Variants in ASTN1 observed in about 807,000 individuals in gnomAD.
The protein encoded by ASTN1 is astrotactin 1.
A neutral mutation model predicts 140.7 loss-of-function variants in ASTN1; 41 were observed. The observed-to-expected ratio is 0.29, with a 90% CI of 0.23 to 0.38. ASTN1 has a LOEUF of 0.38. Among genes scored for constraint, ASTN1 ranks in the 10% least tolerant of loss-of-function variants. ASTN1 has a pLI of 1.00. For synonymous variants in ASTN1, 640 were observed against 652.2 expected, an observed-to-expected ratio of 0.98 and a Z score of 0.29; for missense variants, 1,479 against 1,678.8, an observed-to-expected ratio of 0.88 and a Z score of 2.08.
intron 1 of ASTN1, among the ~76,000 whole-genome samples, chr1:177,155,464 T>C (rs1333876572): frequency 6.6e-6 from 1 of 151,750 alleles, no homozygotes; most frequent in Non-Finnish European, 1.5e-5. Flanking sequence ...CTGGAAGGGG[T>C]TGGGGGGAAA....
In ASTN1 at chr1:176,985,853, C is replaced by CT. The variant is rs1358854662; in HGVS notation, c.1524-20617_1524-20616insA. ...CTCTCTCTCTCTCTCTCTACACACA[C>CT]ACACACACACACACACACACACACA... On this transcript the variant is annotated intron_variant, in intron 8 of 22. Transcript: ENST00000361833. Among the ~76,000 whole-genome samples the CT allele has an allele frequency of 2.5e-3, 347 of 140,876 alleles. 1 individual carries two copies. The highest frequency in any genetic ancestry group is 7.9e-3 in the African/African-American group (293 of 37,186). The allele number at this position is 140,876 out of a possible 152,430, so 92.4% of individuals were successfully genotyped here.
intron 1 of ASTN1, among the ~76,000 whole-genome samples, chr1:177,095,702 T>C (rs1335400125): frequency 1.3e-5 from 2 of 152,006 alleles, no homozygotes; most frequent in Non-Finnish European, 2.9e-5. Flanking sequence ...CAGGCAGAGG[T>C]CCACTGTGGT....
chr1:177,141,455 T>C (rs113128057), intron 1 of ASTN1, among the ~76,000 whole-genome samples: 29 of 142,436 alleles, frequency 2.0e-4, no homozygotes, highest in Middle Eastern at 7.1e-3. Context: ...ACAGATCTGA[T>C]TGATGAATAT....
At chr1:176,982,092 A>G (rs1673645719) in intron 8 of ASTN1, among the ~76,000 whole-genome samples, 2 of 152,196 alleles carry the variant, frequency 1.3e-5, no homozygotes, top group South Asian at 4.1e-4. Context: ...TTACAACTAA[A>G]TGTGCCCAAA....
chr1:176,898,318 C>T (rs372980651), intron 16 of ASTN1, among the ~76,000 whole-genome samples: 1 of 152,206 alleles, frequency 6.6e-6, no homozygotes, highest in Non-Finnish European at 1.5e-5. Context: ...GACCCACTGC[C>T]TTCTGGTCCC....
At chr1:176,994,025 G>GTGTGTGTGTGTGTGTA (rs140169696) in intron 8 of ASTN1, among the ~76,000 whole-genome samples, 57 of 150,712 alleles carry the variant, frequency 3.8e-4, no homozygotes, top group African/African-American at 1.4e-3. Context: ...GTACGTGTGT[G>GTGTGTGTGTGTGTGTA]TGTGTGTGTG....
Position 176,934,266 on chromosome 1 carries a change from C to T in ASTN1, c.2557G>A (p.Gly853Ser), listed in dbSNP as rs866121483. Residue 853 changes from glycine (G) to serine (S), a missense_variant, in exon 16 of 23, where the codon GGC (glycine) becomes AGC (serine). Physicochemically the swap from Gly to Ser is moderately conservative, Grantham distance 56 (BLOSUM62 0). Around this residue, in one of 3 missense-constraint regions of ASTN1, gnomAD observed 746 missense variants for 800.9 expected, o/e 0.93. Coordinates refer to ENST00000361833, the MANE Select transcript of ASTN1 (RefSeq NM_004319.3). Reference protein sequence around the residue: ...ADFVALLDQFGNHYIQEAIYG... With the variant: ...ADFVALLDQFSNHYIQEAIYG... Reference sequence around the variant, plus strand: ...ATAGCTTCCTGGATGTAATGGTTGCCGAACTGGTCCAACAGCGCCACAAAA... The same window carrying T: ...ATAGCTTCCTGGATGTAATGGTTGCTGAACTGGTCCAACAGCGCCACAAAA... The T allele has an allele frequency of 5.6e-6, 9 of 1,613,968 alleles. No homozygotes were observed. Among genetic ancestry groups the T allele is most frequent in the East Asian group, 4.5e-5 (2 of 44,868 alleles).
At chr1:177,098,222 C>T (rs1680124510) in intron 1 of ASTN1, among the ~76,000 whole-genome samples, 2 of 151,876 alleles carry the variant, frequency 1.3e-5, no homozygotes, top group South Asian at 2.1e-4. Flanking sequence ...ATGCTAACTC[C>T]AGGTAGTTAG....
rs1274491426 is a variant in ASTN1 at position 177,164,595 on chromosome 1, C to T, written c.82G>A (p.Asp28Asn). The T allele has an allele frequency of 6.8e-6, 11 of 1,613,156 alleles. No homozygotes were observed. In the East Asian group the frequency reaches 2.5e-4, roughly 36 times the overall value. Residue 28 changes from aspartate to asparagine, a missense_variant, in exon 1 of 23, where the codon GAT (aspartate) becomes AAT (asparagine). Physicochemically the swap from Asp to Asn is conservative, Grantham distance 23. Around this residue, in one of 3 missense-constraint regions of ASTN1, gnomAD observed 729 missense variants for 860.4 expected, o/e 0.85. Coordinates refer to ENST00000361833, the MANE Select transcript of ASTN1 (RefSeq NM_004319.3). ...TTGCACTCCAGCTCCTTGGATGGAT[C>T]CACGTCGCCGGCGGCCGTGGCCAGC... Reference protein sequence around the residue: ...AVLATAAGDVDPSKELECKLK... With the variant: ...AVLATAAGDVNPSKELECKLK...
intron 16 of ASTN1, among the ~76,000 whole-genome samples, chr1:176,916,044 A>C (rs1670466470): frequency 6.6e-6 from 1 of 152,198 alleles, no homozygotes; most frequent in African/African-American, 2.4e-5. Flanking sequence ...TTCAATGGAA[A>C]AATCACTGGG....
chr1:177,006,412 A>C (rs1289936319), intron 8 of ASTN1, among the ~76,000 whole-genome samples: 1 of 152,086 alleles, frequency 6.6e-6, no homozygotes, highest in Non-Finnish European at 1.5e-5. Flanking sequence ...ATTAAAAAAA[A>C]AAAAGATAAA....
chr1:177,066,022 C>T (rs1450924229), intron 1 of ASTN1, among the ~76,000 whole-genome samples: 4 of 152,128 alleles, frequency 2.6e-5, no homozygotes, highest in Admixed American at 6.6e-5. Context: ...GGATCTGTGT[C>T]GATGAACTTG....
intron 7 of ASTN1, among the ~76,000 whole-genome samples, chr1:177,021,538 T>A (rs562934531): frequency 6.6e-6 from 1 of 152,350 alleles, no homozygotes; most frequent in Admixed American, 6.5e-5. Context: ...GCAGATTTCA[T>A]GATAAATAAA....
chr1:177,047,011 T>C (rs920427138), intron 2 of ASTN1, among the ~76,000 whole-genome samples: 2 of 152,220 alleles, frequency 1.3e-5, no homozygotes, highest in African/African-American at 4.8e-5. Context: ...TGTCTGTCCA[T>C]TCCCAAAGTC....
intron 9 of ASTN1, among the ~76,000 whole-genome samples, chr1:176,960,511 C>T (rs1672613291): frequency 1.3e-5 from 2 of 152,176 alleles, no homozygotes; most frequent in South Asian, 4.1e-4. Flanking sequence ...AAAGACGAGG[C>T]TCCATGCCCA....
chr1:176,991,848 G>A (rs1336453397), intron 8 of ASTN1, among the ~76,000 whole-genome samples: 3 of 152,172 alleles, frequency 2.0e-5, no homozygotes, highest in African/African-American at 7.2e-5. Context: ...AGAAAATGAT[G>A]TCAATCTTAT....
chr1:177,001,538 T>C (rs1229879491), intron 8 of ASTN1, among the ~76,000 whole-genome samples: 1 of 152,222 alleles, frequency 6.6e-6, no homozygotes, highest in Non-Finnish European at 1.5e-5. Context: ...TCATAAAGGT[T>C]ATGAGGCTAG....
Position 176,862,690 on chromosome 1 carries a change from C to T in ASTN1, c.*1594G>A, listed in dbSNP as rs192691215. On this transcript the variant is annotated 3_prime_UTR_variant, in exon 23 of 23. Coordinates refer to ENST00000361833, the MANE Select transcript of ASTN1 (RefSeq NM_004319.3). The stretch of plus-strand genomic sequence containing the variant: ...CAAGTTGTATAACCTCTCTTTGCCT[C>T]GTTTTCCTCAACACTAAAATGGAGA... 4 of 907,328 alleles carry T rather than the reference C, an allele frequency of 4.4e-6. No individual in the cohort carries two copies. The highest frequency in any genetic ancestry group is 1.2e-4 in the Admixed American group (2 of 16,170). The allele number at this position is 907,328 out of a possible 1,614,324, so 56.2% of individuals were successfully genotyped here.
In ASTN1 at chr1:176,905,670, T is replaced by C. The variant is rs114067027; in HGVS notation, c.2672-10840A>G. 2.8e-3 allele frequency among the ~76,000 whole-genome samples: 420 copies of C among 152,222 alleles called. 2 individuals are homozygous for C. Among genetic ancestry groups the C allele is most frequent in the African/African-American group, 9.7e-3 (404 of 41,546 alleles). On this transcript the variant is annotated intron_variant, in intron 16 of 22. Transcript: ENST00000361833. ...AAATAGACATGGCTCTTGGTGGCGATTTGGGATTCTGCACGGTTCTCTCAC... is the reference window on the plus strand; with the variant it reads ...AAATAGACATGGCTCTTGGTGGCGACTTGGGATTCTGCACGGTTCTCTCAC...
Sources: gnomAD v4.1 joint callset for allele counts (sites outside exome capture counted in the v4.1 genomes callset) on GRCh38, gnomAD v4.1.1 for gene constraint, gnomAD v4.1.1 regional missense constraint, MANE v1.5 for transcripts, NCBI Gene and HGNC (gene_info 2026-07-23, HGNC 2026-07-21) for gene names.